Variants in IQCK observed in about 807,000 individuals in gnomAD.
IQCK encodes the protein IQ motif containing K.
In IQCK, 29 loss-of-function variants were observed where a neutral mutation model predicts 28.1. The ratio of observed to expected loss-of-function variants is 1.03; its 90% CI spans 0.77 to 1.41. The LOEUF (loss-of-function observed/expected upper bound fraction) is 1.41. Ranked by LOEUF, IQCK falls within the 40% of genes most tolerant of loss-of-function variation. The pLI is 0.00. For synonymous variants in IQCK, 113 were observed against 115.1 expected, an observed-to-expected ratio of 0.98 and a Z score of 0.12; for missense variants, 359 against 314.7, an observed-to-expected ratio of 1.14 and a Z score of -1.07.
intron 2 of IQCK, 37 bp from the exon 3 acceptor site, chr16:19,733,661 T>A (rs772161757): frequency 1.2e-6 from 2 of 1,609,534 alleles, no homozygotes; most frequent in Non-Finnish European, 1.7e-6. Context: ...TTTAAGCTGT[T>A]TAAATGAATT....
intron 4 of IQCK, chr16:19,736,178 G>C: frequency 2.2e-6 from 1 of 456,016 alleles, no homozygotes; most frequent in South Asian, 1.5e-5. Flanking sequence ...TGCTCGCAGA[G>C]AGTCTTGGAA....
At chr16:19,786,646 C>T (rs1440199399) in intron 6 of IQCK, among the ~76,000 whole-genome samples, 2 of 140,180 alleles carry the variant, frequency 1.4e-5, no homozygotes, top group African/African-American at 6.3e-5. Flanking sequence ...TGCAGTGAGC[C>T]GAGATTATGC....
intron 1 of IQCK, among the ~76,000 whole-genome samples, chr16:19,726,204 G>A (rs1282086357): frequency 2.6e-5 from 4 of 151,608 alleles, no homozygotes; most frequent in Non-Finnish European, 4.4e-5. Context: ...GTGAGCCACC[G>A]TGCCCAGTCC....
chr16:19,816,545 G>C (rs1050541989), intron 7 of IQCK, among the ~76,000 whole-genome samples: 6 of 152,210 alleles, frequency 3.9e-5, no homozygotes, highest in Non-Finnish European at 7.3e-5. Flanking sequence ...GCCTCCCAAA[G>C]TGCTGGGATT....
chr16:19,728,348 A>G (rs1015026959), intron 1 of IQCK, among the ~76,000 whole-genome samples: 1 of 152,184 alleles, frequency 6.6e-6, no homozygotes, highest in South Asian at 2.1e-4. Flanking sequence ...TCCCTGGTTC[A>G]AATGATTCTT....
chr16:19,752,037 C>T (rs2054993896), intron 4 of IQCK, among the ~76,000 whole-genome samples: 1 of 152,084 alleles, frequency 6.6e-6, no homozygotes, highest in African/African-American at 2.4e-5. Flanking sequence ...GTTAAAAGGC[C>T]ACAGTACCAT....
intron 2 of IQCK, 112 bp downstream of exon 2, chr16:19,730,606 G>A: frequency 1.3e-6 from 1 of 756,874 alleles, no homozygotes; most frequent in South Asian, 3.4e-5. Flanking sequence ...GAAAGGGAAG[G>A]CACTGGAGCG....
chr16:19,830,018 T>C (rs4782287), downstream of IQCK, among the ~76,000 whole-genome samples: 21 of 73,824 alleles, frequency 2.8e-4, no homozygotes, highest in Admixed American at 8.6e-4. Context: ...GTTGAACGAA[T>C]GAATGAATGA....
Position 19,793,640 on chromosome 16 carries a change from T to C in IQCK, c.690+4718T>C, listed in dbSNP as rs1181802168. Among the ~76,000 whole-genome samples, 3 of 99,340 alleles carry C rather than the reference T, an allele frequency of 3.0e-5. No homozygotes were observed. In the East Asian group the frequency reaches 1.0e-3, roughly 34 times the overall value. The allele number at this position is 99,340 out of a possible 152,430, so 65.2% of individuals were successfully genotyped here. ...ACACAATGCCTATCGAAATCTCAGT[T>C]GGGTTTTTTTTTTTTTTTTTTTTTT... On this transcript the variant is annotated intron_variant, in intron 7 of 7. Transcript: ENST00000564186.
rs958711712 is a variant in IQCK at position 19,836,903 on chromosome 16, GC to G, written c.802+9767del. Among the ~76,000 whole-genome samples the G allele has an allele frequency of 4.6e-5, 7 of 152,230 alleles. No homozygotes were observed. The East Asian group carries it at 1.2e-3, about 25-fold the overall frequency. The stretch of plus-strand genomic sequence containing the variant: ...GGCTAAGTTTCCCATTTCTCACTGT[GC>G]AACCTCGAGCAGGTTGCTTAACCTC... On this transcript the variant is annotated intron_variant, in intron 9 of 9. Transcript: ENST00000320394.
chr16:19,733,555 G>A (rs1977909362), intron 2 of IQCK, 143 bp from the exon 3 acceptor site: 3 of 865,282 alleles, frequency 3.5e-6, no homozygotes, highest in African/African-American at 1.7e-5. Flanking sequence ...CAGGAGGGAA[G>A]GGAGACAAAG....
At chr16:19,822,139 G>A (rs1355239041) in intron 7 of IQCK, among the ~76,000 whole-genome samples, 3 of 146,584 alleles carry the variant, frequency 2.0e-5, no homozygotes, top group South Asian at 2.2e-4. Context: ...AGTAATCCCC[G>A]CACTTTGGGA....
At chr16:19,781,307 A>G (rs1222203219) in intron 6 of IQCK, among the ~76,000 whole-genome samples, 1 of 152,176 alleles carries the variant, frequency 6.6e-6, no homozygotes, top group Non-Finnish European at 1.5e-5. Context: ...GTGGTCTTGC[A>G]CTTCGCTGCT....
chr16:19,826,901 A>G, intron 7 of IQCK, 125 bp from the exon 8 acceptor site: 1 of 685,028 alleles, frequency 1.5e-6, no homozygotes, highest in Non-Finnish European at 2.6e-6. Context: ...TTCATTTAGG[A>G]CGATGATTCA....
intron 7 of IQCK, among the ~76,000 whole-genome samples, chr16:19,793,644 T>G (rs1371017314): frequency 7.6e-5 from 1 of 13,164 alleles, no homozygotes; most frequent in African/African-American, 6.4e-4. Context: ...CTCAGTTGGG[T>G]TTTTTTTTTT....
At chr16:19,780,528 C>T (rs1317339290) in intron 6 of IQCK, among the ~76,000 whole-genome samples, 1 of 152,154 alleles carries the variant, frequency 6.6e-6, no homozygotes, top group Non-Finnish European at 1.5e-5. Context: ...TAAAACCCAT[C>T]TTTCCCCAGC....
intron 6 of IQCK, among the ~76,000 whole-genome samples, chr16:19,772,574 G>A (rs568914744): frequency 6.6e-6 from 1 of 152,246 alleles, no homozygotes; most frequent in East Asian, 1.9e-4. Context: ...CTATGGACAG[G>A]GGTGAGGGAG....
intron 9 of IQCK, among the ~76,000 whole-genome samples, chr16:19,842,960 G>A (rs1230686262): frequency 6.6e-6 from 1 of 152,138 alleles, no homozygotes; most frequent in Non-Finnish European, 1.5e-5. Flanking sequence ...TGGCCCGGGG[G>A]AGTTGTCATT....
At chr16:19,776,129 C>G (rs549687106) in intron 6 of IQCK, among the ~76,000 whole-genome samples, 1 of 152,140 alleles carries the variant, frequency 6.6e-6, no homozygotes, top group Non-Finnish European at 1.5e-5. Flanking sequence ...GATCCACCTG[C>G]CTCGGCCTCC....
Sources: allele counts gnomAD v4.1 joint callset (sites outside exome capture counted in the v4.1 genomes callset), GRCh38; gene constraint gnomAD v4.1.1; transcripts MANE v1.5; gene names NCBI Gene and HGNC (gene_info 2026-07-23, HGNC 2026-07-21).